Variants in ERCC1 observed in about 807,000 individuals in gnomAD.
ERCC1 encodes ERCC excision repair 1, endonuclease non-catalytic subunit.
In ERCC1, 36 loss-of-function variants were observed where a neutral mutation model predicts 37.6. The observed-to-expected ratio is 0.96, with a 90% confidence interval of 0.73 to 1.26. The LOEUF is 1.26. Ranked by LOEUF, ERCC1 falls within the 50% of genes most tolerant of loss-of-function variation. ERCC1 has a pLI of 0.00. For missense variants in ERCC1, 349 were observed against 376.5 expected (o/e 0.93, Z 0.60); for synonymous variants, 156 against 162.1 (o/e 0.96, Z 0.28).
chr19:45,428,661 AGGACG>A (rs1974760547), upstream of ERCC1, among the ~76,000 whole-genome samples: 1 of 152,166 alleles, frequency 6.6e-6, no homozygotes, highest in Non-Finnish European at 1.5e-5. Flanking sequence ...GGAGACTGTA[AGGACG>A]GGACCCTCAC....
intron 1 of ERCC1, among the ~76,000 whole-genome samples, chr19:45,441,456 T>C (rs963808959): frequency 1.3e-5 from 2 of 152,164 alleles, no homozygotes; most frequent in East Asian, 3.9e-4. Flanking sequence ...AGTTTCAGAG[T>C]CAGTGCAGAG....
At position 45,408,162 on chromosome 19, in the gene ERCC1, G is replaced by T. The variant is rs938848514; in HGVS notation, c.*1513C>A. On this transcript the variant is annotated 3_prime_UTR_variant, in exon 10 of 10. Coordinates refer to ENST00000300853, the MANE Select transcript of ERCC1 (RefSeq NM_001983.4). ...AATGGGCGGCATGTGCCTCTCTCTG[G>T]CTCCCAGATCGTCAAGGGCAAATTG... 17 of 1,607,786 alleles carry T rather than the reference G, an allele frequency of 1.1e-5. No individual in the cohort carries two copies. Among genetic ancestry groups the T allele is most frequent in the Non-Finnish European group, 1.4e-5 (17 of 1,175,486 alleles).
intron 1 of ERCC1, among the ~76,000 whole-genome samples, chr19:45,436,081 G>A (rs761033819): frequency 1.3e-5 from 2 of 151,792 alleles, no homozygotes; most frequent in Non-Finnish European, 2.9e-5. Flanking sequence ...TTTTTAAAAC[G>A]GGAAAAATAT....
At position 45,423,266 on chromosome 19, in the gene ERCC1, C is replaced by T. The variant is rs1974550289; in HGVS notation, c.105+4G>A. 1 of 1,612,464 alleles carries T rather than the reference C, an allele frequency of 6.2e-7. No homozygotes were observed. The highest frequency in any genetic ancestry group is 8.5e-7 in the Non-Finnish European group (1 of 1,179,370). ...CCCAGGGGCCCCGCATCTCCTTGTC[C>T]TACCACTCCAGGAGGGACCTCATCC... On this transcript the variant is annotated splice_donor_region_variant and intron_variant, in intron 2 of 9. Coordinates refer to ENST00000300853, the MANE Select transcript of ERCC1 (RefSeq NM_001983.4).
chr19:45,425,025 G>T (rs905126963), upstream of ERCC1, among the ~76,000 whole-genome samples: 2 of 146,804 alleles, frequency 1.4e-5, no homozygotes, highest in African/African-American at 5.1e-5. Context: ...GGGTTCAAGC[G>T]ATTCTCCTGC....
At chr19:45,411,755 T>G (rs576901172) in intron 9 of ERCC1, among the ~76,000 whole-genome samples, 3 of 151,608 alleles carry the variant, frequency 2.0e-5, no homozygotes, top group African/African-American at 7.3e-5. Context: ...GATCATGCCA[T>G]TGCACTCCAG....
intron 3 of ERCC1, 30 bp downstream of exon 3, chr19:45,421,148 A>C (rs768380290): frequency 6.3e-7 from 1 of 1,597,354 alleles, no homozygotes; most frequent in Non-Finnish European, 8.6e-7. Flanking sequence ...TGAAAACCTC[A>C]AGGCCTCACT....
upstream of ERCC1, among the ~76,000 whole-genome samples, chr19:45,428,706 G>A (rs936054222): frequency 6.6e-6 from 1 of 152,238 alleles, no homozygotes; most frequent in Non-Finnish European, 1.5e-5. Context: ...GACCTGAACG[G>A]GGGGCGGAGA....
rs1448782667 is a variant in ERCC1 at position 45,421,872 on chromosome 19, A to T, written c.106-479T>A. 2.0e-5 allele frequency among the ~76,000 whole-genome samples: 3 copies of T among 151,774 alleles called. No individual in the cohort carries two copies. In the East Asian group the frequency reaches 5.8e-4, roughly 29 times the overall value. On this transcript the variant is annotated intron_variant, in intron 2 of 9. Transcript: ENST00000300853. ...GATCTCGAACTCCTGACCTCAGGTG[A>T]TCCGCCCGCCTCGGCCTCCCAAAGT...
In ERCC1 at chr19:45,409,743, A is replaced by G. The variant is rs1262924942; in HGVS notation, c.844-18T>C. 2 of 789,096 alleles carry G rather than the reference A, an allele frequency of 2.5e-6. No individual in the cohort carries two copies. The highest frequency in any genetic ancestry group is 4.7e-6 in the Non-Finnish European group (2 of 429,328). The allele number at this position is 789,096 out of a possible 1,614,324, so 48.9% of individuals were successfully genotyped here. On this transcript the variant is annotated intron_variant, in intron 9 of 9. Coordinates refer to ENST00000300853, the MANE Select transcript of ERCC1 (RefSeq NM_001983.4). ...CTCCGGGCCTGGATGGGAGGGAGAA[A>G]AAAATGAGGAACCAGTCATTAAAGG...
chr19:45,449,663 T>A (rs1176242509), intron 1 of ERCC1, among the ~76,000 whole-genome samples: 1 of 150,156 alleles, frequency 6.7e-6, no homozygotes, highest in Non-Finnish European at 1.5e-5. Flanking sequence ...AGACCTTGTC[T>A]CAAAAAAAAC....
chr19:45,422,969 G>A (rs1251194192), intron 2 of ERCC1, among the ~76,000 whole-genome samples: 2 of 148,548 alleles, frequency 1.3e-5, no homozygotes, highest in East Asian at 2.0e-4. Flanking sequence ...AAAACCTGGC[G>A]ATTCTTAAAC....
intron 7 of ERCC1, chr19:45,414,640 TTC>T (rs888538272): frequency 3.9e-6 from 2 of 518,898 alleles, no homozygotes; most frequent in Non-Finnish European, 7.0e-6. Flanking sequence ...AGTCTGGGCT[TTC>T]TCTCGGGGTA....
chr19:45,419,524 C>T (rs1326345607), intron 4 of ERCC1: 2 of 350,976 alleles, frequency 5.7e-6, no homozygotes, highest in South Asian at 2.6e-5. Context: ...CTGCATGGCT[C>T]GCGGTGGGAA....
chr19:45,445,080 C>T (rs933795453), intron 1 of ERCC1, among the ~76,000 whole-genome samples: 1 of 152,150 alleles, frequency 6.6e-6, no homozygotes, highest in Admixed American at 6.5e-5. Context: ...GCAATGGTAC[C>T]ATCTGGGCTC....
intron 9 of ERCC1, among the ~76,000 whole-genome samples, chr19:45,412,251 C>T (rs1052593200): frequency 6.6e-6 from 1 of 152,004 alleles, no homozygotes; most frequent in Non-Finnish European, 1.5e-5. Flanking sequence ...CTCCGTCTCC[C>T]GGGTTCAAGA....
At chr19:45,430,304 G>A (rs989857775) in intron 1 of ERCC1, among the ~76,000 whole-genome samples, 33 of 152,318 alleles carry the variant, frequency 2.2e-4, no homozygotes, top group East Asian at 7.7e-4. Flanking sequence ...TGACCGGCAC[G>A]CATGATTCTG....
chr19:45,416,775 C>T (rs975174546), intron 6 of ERCC1, 46 bp downstream of exon 6: 3 of 1,477,202 alleles, frequency 2.0e-6, no homozygotes, highest in Non-Finnish European at 2.8e-6. Flanking sequence ...GAGCAGGGAC[C>T]AATCCCAGGT....
rs780867630 is a variant in ERCC1, at chr19:45,408,148, T to A, written c.*1527A>T. The A allele has an allele frequency of 1.9e-6, 3 of 1,601,898 alleles. No homozygotes were observed. The Admixed American group carries it at 5.0e-5, about 27-fold the overall frequency. ...CTCTCTGTAGCTTCAATGGGCGGCATGTGCCTCTCTCTGGCTCCCAGATCG... is the reference window on the plus strand; with the variant it reads ...CTCTCTGTAGCTTCAATGGGCGGCAAGTGCCTCTCTCTGGCTCCCAGATCG... On this transcript the variant is annotated 3_prime_UTR_variant, in exon 10 of 10. Transcript: ENST00000300853.
Sources: allele counts gnomAD v4.1 joint callset (sites outside exome capture counted in the v4.1 genomes callset), GRCh38; gene constraint gnomAD v4.1.1; transcripts MANE v1.5; gene names NCBI Gene and HGNC (gene_info 2026-07-23, HGNC 2026-07-21).